EXOC6B: variants seen among roughly 807,000 people sequenced by gnomAD.
EXOC6B encodes the protein SEC15 homolog B.
EXOC6B carries 54 observed loss-of-function variants against 113.5 expected under a neutral mutation model. That is an observed-to-expected ratio of 0.48 (90% confidence interval 0.38 to 0.60). The LOEUF (loss-of-function observed/expected upper bound fraction) is 0.60. Among genes scored for constraint, EXOC6B ranks in the 20% least tolerant of loss-of-function variants. The pLI is 0.00. For missense variants in EXOC6B, 797 were observed against 977.5 expected, an observed-to-expected ratio of 0.82 and a Z score of 2.46; for synonymous variants, 357 against 339.0, an observed-to-expected ratio of 1.05 and a Z score of -0.58.
At chr2:72,458,644 T>C (rs1486035548) in intron 18 of EXOC6B, among the ~76,000 whole-genome samples, 2 of 152,076 alleles carry the variant, frequency 1.3e-5, no homozygotes, top group African/African-American at 2.4e-5. Context: ...TTATAGTATT[T>C]AGGTAAAAAC....
chr2:72,524,863 A>G lies in EXOC6B; in HGVS notation c.916-9737T>C, dbSNP rs1701679159. The stretch of plus-strand genomic sequence containing the variant: ...GGATACTTGCTTTGATAGATAATTT[A>G]TCATTAAAAATATCATTACTTCCAA... On this transcript the variant is annotated intron_variant, in intron 8 of 21. Coordinates refer to ENST00000272427, the MANE Select transcript of EXOC6B (RefSeq NM_015189.3). 2.6e-5 allele frequency among the ~76,000 whole-genome samples: 4 copies of G among 152,256 alleles called. 1 individual carries two copies. The South Asian group carries it at 8.3e-4, about 31-fold the overall frequency.
intron 6 of EXOC6B, among the ~76,000 whole-genome samples, chr2:72,673,746 T>A (rs1676082508): frequency 6.7e-6 from 1 of 149,660 alleles, no homozygotes; most frequent in South Asian, 2.1e-4. Context: ...TTTATTTTTT[T>A]ATTTATTTTA....
At chr2:72,652,074 A>C (rs1446100492) in intron 6 of EXOC6B, among the ~76,000 whole-genome samples, 2 of 152,178 alleles carry the variant, frequency 1.3e-5, no homozygotes, top group Admixed American at 1.3e-4. Flanking sequence ...TTTACAAATT[A>C]GTCAATATTT....
chr2:72,802,074 C>T lies in EXOC6B; in HGVS notation c.113+23724G>A, dbSNP rs560848914. Among the ~76,000 whole-genome samples the T allele has an allele frequency of 2.0e-5, 3 of 152,264 alleles. No individual in the cohort carries two copies. In the South Asian group the frequency reaches 6.2e-4, roughly 32 times the overall value. On this transcript the variant is annotated intron_variant, in intron 1 of 21. Coordinates refer to ENST00000272427, the MANE Select transcript of EXOC6B (RefSeq NM_015189.3). ...GCACTGTGGCTCATGCCTGTACTCC[C>T]AGCACTTTGGGAGGCCAAGGCAGGC...
At chr2:72,508,184 A>AAAAAAAAACAC (rs923877882) in intron 11 of EXOC6B, among the ~76,000 whole-genome samples, 2 of 89,110 alleles carry the variant, frequency 2.2e-5, no homozygotes, top group African/African-American at 1.3e-4. Flanking sequence ...AAAAAAAAAA[A>AAAAAAAAACAC]ACACCTAAAA....
chr2:72,500,837 A>G lies in EXOC6B; in HGVS notation c.1168-865T>C, dbSNP rs78501847. Among the ~76,000 whole-genome samples, 1,224 of 152,254 alleles carry G rather than the reference A, an allele frequency of 8.0e-3. 16 individuals are homozygous for G. The highest frequency in any genetic ancestry group is 0.028 in the African/African-American group (1,173 of 41,548). ...TCTCATTGGTCTCTCAAGTCCTGAA[A>G]GAGGTGTTTTGAATTCTCCCACAAT... On this transcript the variant is annotated intron_variant, in intron 11 of 21. Coordinates refer to ENST00000272427, the MANE Select transcript of EXOC6B (RefSeq NM_015189.3).
At chr2:72,380,593 C>A (rs112951680) in intron 18 of EXOC6B, among the ~76,000 whole-genome samples, 2,386 of 151,788 alleles carry the variant, frequency 0.016, 37 homozygotes, top group Non-Finnish European at 0.023. Context: ...TGAGCAGTGC[C>A]ACTGCACTCC....
intron 1 of EXOC6B, among the ~76,000 whole-genome samples, chr2:72,771,643 G>C (rs577279727): frequency 6.6e-6 from 1 of 152,240 alleles, no homozygotes; most frequent in East Asian, 1.9e-4. Flanking sequence ...TAAACAAGCA[G>C]CCAAATTTAT....
chr2:72,228,166 G>C (rs1681362771), intron 20 of EXOC6B, among the ~76,000 whole-genome samples: 1 of 152,162 alleles, frequency 6.6e-6, no homozygotes, highest in African/African-American at 2.4e-5. Flanking sequence ...GGGCTGATGA[G>C]GTATGGTAGG....
intron 20 of EXOC6B, among the ~76,000 whole-genome samples, chr2:72,224,410 A>G (rs912894037): frequency 3.3e-5 from 5 of 152,156 alleles, no homozygotes; most frequent in African/African-American, 1.2e-4. Flanking sequence ...CTAGACTAAA[A>G]ATGCTATATG....
intron 6 of EXOC6B, among the ~76,000 whole-genome samples, chr2:72,591,221 A>G (rs1392239713): frequency 6.6e-6 from 1 of 152,104 alleles, no homozygotes. Context: ...TCTTATCTTT[A>G]TCCACCAATG....
chr2:72,213,989 G>T, intron 20 of EXOC6B, among the ~76,000 whole-genome samples: 1 of 152,096 alleles, frequency 6.6e-6, no homozygotes, highest in East Asian at 1.9e-4. Context: ...TCCTCTGTAG[G>T]CTGGTAGCTC....
chr2:72,810,873 G>A (rs1685872871), intron 1 of EXOC6B, among the ~76,000 whole-genome samples: 1 of 151,810 alleles, frequency 6.6e-6, no homozygotes, highest in African/African-American at 2.4e-5. Context: ...GGGTGACATG[G>A]CAAAGCCCTG....
intron 18 of EXOC6B, among the ~76,000 whole-genome samples, chr2:72,416,703 T>A (rs948323244): frequency 2.0e-5 from 3 of 152,288 alleles, no homozygotes; most frequent in Non-Finnish European, 4.4e-5. Context: ...TGTTCCTTGA[T>A]CTTCCTTGGG....
At chr2:72,402,880 C>A (rs778436662) in intron 18 of EXOC6B, among the ~76,000 whole-genome samples, 1 of 152,112 alleles carries the variant, frequency 6.6e-6, no homozygotes, top group Non-Finnish European at 1.5e-5. Flanking sequence ...GATGATCATA[C>A]AGTCTCTGTT....
At chr2:72,552,494 G>A (rs1184492904) in intron 8 of EXOC6B, among the ~76,000 whole-genome samples, 1 of 152,078 alleles carries the variant, frequency 6.6e-6, no homozygotes, top group Non-Finnish European at 1.5e-5. Context: ...TAGAAAAAAG[G>A]GGGAGATGTC....
intron 20 of EXOC6B, among the ~76,000 whole-genome samples, chr2:72,250,031 T>A (rs757684551): frequency 6.6e-6 from 1 of 152,214 alleles, no homozygotes; most frequent in Non-Finnish European, 1.5e-5. Flanking sequence ...AACCTTATTG[T>A]CTGGCACATG....
Position 72,458,654 on chromosome 2 carries a change from C to T in EXOC6B, c.1980+6506G>A, listed in dbSNP as rs568897288. Among the ~76,000 whole-genome samples the T allele has an allele frequency of 1.1e-4, 17 of 152,066 alleles. 1 individual carries two copies. The highest frequency in any genetic ancestry group is 2.9e-4 in the African/African-American group (12 of 41,508). Reference sequence around the variant, plus strand: ...ACGTTTTATAGTATTTAGGTAAAAACGACAGTTTAGAATAAACAAAAGAGG... The same window carrying T: ...ACGTTTTATAGTATTTAGGTAAAAATGACAGTTTAGAATAAACAAAAGAGG... On this transcript the variant is annotated intron_variant, in intron 18 of 21. Coordinates refer to ENST00000272427, the MANE Select transcript of EXOC6B (RefSeq NM_015189.3).
chr2:72,414,895 A>C (rs2105236934), intron 18 of EXOC6B, among the ~76,000 whole-genome samples: 1 of 143,218 alleles, frequency 7.0e-6, no homozygotes, highest in Middle Eastern at 3.4e-3. Context: ...TTTTATTATT[A>C]GTTTTTTGTT....
Sources: gnomAD v4.1 joint callset for allele counts (sites outside exome capture counted in the v4.1 genomes callset) on GRCh38, gnomAD v4.1.1 for gene constraint, MANE v1.5 for transcripts, NCBI Gene and HGNC (gene_info 2026-07-23, HGNC 2026-07-21) for gene names.